GALNT17: variants seen among roughly 807,000 people sequenced by gnomAD.
GALNT17 encodes the protein polypeptide N-acetylgalactosaminyltransferase 17.
GALNT17 carries 29 observed loss-of-function variants against 63.7 expected under a neutral mutation model. That is an observed-to-expected ratio of 0.46 (90% confidence interval 0.34 to 0.62). The LOEUF (loss-of-function observed/expected upper bound fraction) is 0.62, where lower values mean the gene tolerates loss of function less well. GALNT17 is among the 20% of genes least tolerant of loss of function. GALNT17 has a pLI of 0.01. For missense variants in GALNT17, 603 were observed against 799.6 expected (o/e 0.75, Z 2.97); for synonymous variants, 305 against 318.3 (o/e 0.96, Z 0.45).
chr7:71,504,681 A>G (rs547918180), intron 5 of GALNT17, among the ~76,000 whole-genome samples: 2 of 152,096 alleles, frequency 1.3e-5, no homozygotes, highest in African/African-American at 2.4e-5. Flanking sequence ...TTATTTACAT[A>G]TTTTACTTAT....
intron 1 of GALNT17, among the ~76,000 whole-genome samples, chr7:71,187,562 A>C (rs895107813): frequency 6.6e-6 from 1 of 151,928 alleles, no homozygotes; most frequent in Non-Finnish European, 1.5e-5. Flanking sequence ...TGGTTTCCTA[A>C]TATTATTTCC....
At chr7:71,175,837 G>C (rs944779742) in intron 1 of GALNT17, among the ~76,000 whole-genome samples, 26 of 152,218 alleles carry the variant, frequency 1.7e-4, no homozygotes, top group Non-Finnish European at 3.1e-4. Flanking sequence ...GGGGTTCAAG[G>C]CTGCAATGAG....
At chr7:71,160,961 G>A (rs1174452442) in intron 1 of GALNT17, among the ~76,000 whole-genome samples, 4 of 152,134 alleles carry the variant, frequency 2.6e-5, no homozygotes, top group African/African-American at 9.7e-5. Context: ...AGCTTCCTGA[G>A]TAGCTGGGAC....
At chr7:71,608,805 G>A (rs1350134642) in intron 6 of GALNT17, among the ~76,000 whole-genome samples, 33 of 152,126 alleles carry the variant, frequency 2.2e-4, no homozygotes, top group Admixed American at 2.0e-3. Context: ...TAGAAATGGG[G>A]TCTTGCTCTG....
chr7:71,571,098 TAC>T (rs1789433719), intron 5 of GALNT17, among the ~76,000 whole-genome samples, 185 bp from the exon 6 acceptor site: 1 of 151,322 alleles, frequency 6.6e-6, no homozygotes, highest in South Asian at 2.1e-4. Flanking sequence ...TGGAACCCAG[TAC>T]ATGCTAGGCT....
chr7:71,172,234 G>C (rs1467358888), intron 1 of GALNT17, among the ~76,000 whole-genome samples: 3 of 152,120 alleles, frequency 2.0e-5, no homozygotes, highest in Non-Finnish European at 4.4e-5. Context: ...GAGAGGCCAA[G>C]GTGGGAGGAT....
intron 1 of GALNT17, among the ~76,000 whole-genome samples, chr7:71,170,986 A>T (rs1006763257): frequency 1.3e-5 from 2 of 152,130 alleles, no homozygotes; most frequent in African/African-American, 4.8e-5. Flanking sequence ...TGTGATTAGT[A>T]GGACACCTCT....
chr7:71,553,995 T>C (rs772588567), intron 5 of GALNT17, among the ~76,000 whole-genome samples: 70 of 152,346 alleles, frequency 4.6e-4, no homozygotes, highest in Admixed American at 2.5e-3. Context: ...CTGGCTTCTG[T>C]TGACACCTCC....
At chr7:71,637,451 A>C (rs1437019845) in intron 6 of GALNT17, among the ~76,000 whole-genome samples, 1 of 150,406 alleles carries the variant, frequency 6.6e-6, no homozygotes, top group Non-Finnish European at 1.5e-5. Flanking sequence ...GGCCTCCCAA[A>C]GTGCTGGGAT....
Position 71,592,565 on chromosome 7 carries a change from A to AGC in GALNT17, c.1080+21163_1080+21164insGC, listed in dbSNP as rs1164711279. On this transcript the variant is annotated intron_variant, in intron 6 of 10. Transcript: ENST00000333538. ...ATAAAATAGCATAGCATAGCATACTAAAATAAAATAAAATAAAATAAAATA... is the reference window on the plus strand; with the variant it reads ...ATAAAATAGCATAGCATAGCATACTAGCAAATAAAATAAAATAAAATAAAATA... 2.3e-3 allele frequency among the ~76,000 whole-genome samples: 316 copies of AGC among 139,930 alleles called. 10 individuals are homozygous for AGC. The South Asian group carries it at 0.026, about 12-fold the overall frequency. The allele number at this position is 139,930 out of a possible 152,430, so 91.8% of individuals were successfully genotyped here.
In GALNT17 at chr7:71,669,921, T is replaced by G; in HGVS notation, c.1267-51T>G. On this transcript the variant is annotated intron_variant, in intron 7 of 10. Coordinates refer to ENST00000333538, the MANE Select transcript of GALNT17 (RefSeq NM_022479.3). ...AAGTGACTCCACCTGTGCCCCACTC[T>G]GGCCAGAGCTCCACAGTCACTAACA... The G allele has an allele frequency of 1.2e-6, 2 of 1,604,910 alleles. 1 individual carries two copies.
At chr7:71,690,049 G>A (rs1404229578) in intron 9 of GALNT17, among the ~76,000 whole-genome samples, 1 of 144,440 alleles carries the variant, frequency 6.9e-6, no homozygotes, top group Non-Finnish European at 1.5e-5. Context: ...TTTTTGAGAC[G>A]GAGTCTCACT....
chr7:71,321,058 T>G (rs1791597161), intron 1 of GALNT17, among the ~76,000 whole-genome samples: 1 of 152,186 alleles, frequency 6.6e-6, no homozygotes, highest in African/African-American at 2.4e-5. Flanking sequence ...CCAAAAGTTG[T>G]TGAGACTGAG....
intron 6 of GALNT17, among the ~76,000 whole-genome samples, chr7:71,587,877 T>G (rs1789742464): frequency 6.6e-6 from 1 of 152,230 alleles, no homozygotes; most frequent in Admixed American, 6.5e-5. Context: ...TAATAAATCC[T>G]AAAAGTCAAA....
At chr7:71,451,513 A>T (rs1787262454) in intron 5 of GALNT17, among the ~76,000 whole-genome samples, 1 of 152,072 alleles carries the variant, frequency 6.6e-6, no homozygotes. Flanking sequence ...CTTTCGACGA[A>T]CTAACTCCTT....
chr7:71,370,546 G>A (rs945231320), intron 2 of GALNT17, among the ~76,000 whole-genome samples: 12 of 152,232 alleles, frequency 7.9e-5, no homozygotes, highest in Admixed American at 2.0e-4. Flanking sequence ...GTACAGTTGT[G>A]TGATCTCGGC....
chr7:71,187,175 C>T (rs530682130), intron 1 of GALNT17, among the ~76,000 whole-genome samples: 25 of 152,130 alleles, frequency 1.6e-4, no homozygotes, highest in East Asian at 3.9e-4. Context: ...GCTAGAGTGC[C>T]GTGGCAGGAT....
intron 5 of GALNT17, among the ~76,000 whole-genome samples, chr7:71,481,687 C>T (rs1787820670): frequency 6.6e-6 from 1 of 152,140 alleles, no homozygotes; most frequent in Non-Finnish European, 1.5e-5. Flanking sequence ...GCAACTCCAC[C>T]TGCCCCTGGA....
At chr7:71,221,406 T>TC (rs777385631) in intron 1 of GALNT17, among the ~76,000 whole-genome samples, 6 of 123,560 alleles carry the variant, frequency 4.9e-5, no homozygotes, top group South Asian at 3.0e-4. Flanking sequence ...TTTTTTTTTT[T>TC]CCAACCCTAC....
Sources: allele counts gnomAD v4.1 joint callset (sites outside exome capture counted in the v4.1 genomes callset), GRCh38; gene constraint gnomAD v4.1.1; transcripts MANE v1.5; gene names NCBI Gene and HGNC (gene_info 2026-07-23, HGNC 2026-07-21).